TGM2: variants seen among roughly 807,000 people sequenced by gnomAD.
TGM2 encodes the protein transglutaminase 2.
Under a neutral mutation model 75.6 loss-of-function variants are expected in TGM2, and 53 were observed. The ratio of observed to expected loss-of-function variants is 0.70; its 90% CI spans 0.56 to 0.88. The LOEUF is 0.88. Ranked by LOEUF, TGM2 falls within the 40% of genes least tolerant of loss-of-function variation. The pLI, the probability that TGM2 is intolerant of heterozygous loss-of-function variation, is 0.00. For synonymous variants in TGM2, 374 were observed against 381.1 expected, an observed-to-expected ratio of 0.98 and a Z score of 0.22; for missense variants, 842 against 928.5, an observed-to-expected ratio of 0.91 and a Z score of 1.21.
At chr20:38,155,257 T>C (rs1278193274) in intron 3 of TGM2, among the ~76,000 whole-genome samples, 5 of 152,200 alleles carry the variant, frequency 3.3e-5, no homozygotes, top group Admixed American at 2.6e-4. Flanking sequence ...CCCCAGTTCA[T>C]AGTGGTCTGG....
In TGM2 at chr20:38,138,190, G is replaced by A. The variant is rs977046574; in HGVS notation, c.1538C>T (p.Thr513Ile). Reference sequence around the variant, plus strand: ...CCCCAAGATCCCATTGTAGCTGACGGTGCGGGCACAGAGCAGGAGGCGGCA... The same window carrying A: ...CCCCAAGATCCCATTGTAGCTGACGATGCGGGCACAGAGCAGGAGGCGGCA... Reference protein sequence around the residue: ...YVCRLLLCARTVSYNGILGPE... With the variant: ...YVCRLLLCARIVSYNGILGPE... The change falls in exon 10 of 13, where the codon ACC (threonine) becomes ATC (isoleucine). Residue 513 changes from threonine to isoleucine, a missense_variant. By Grantham distance (89) the Thr-to-Ile change is moderately conservative. Coordinates refer to ENST00000361475, the MANE Select transcript of TGM2 (RefSeq NM_004613.4). The A allele has an allele frequency of 6.2e-7, 1 of 1,608,820 alleles. No homozygotes were observed. The highest frequency in any genetic ancestry group is 1.3e-5 in the African/African-American group (1 of 74,844).
Position 38,139,448 on chromosome 20 carries a change from G to T in TGM2, c.1306C>A (p.Arg436=). The T allele has an allele frequency of 1.2e-6, 2 of 1,614,118 alleles. No homozygotes were observed. Among genetic ancestry groups the T allele is most frequent in the Non-Finnish European group, 1.7e-6 (2 of 1,180,014 alleles). ...TTGTAGGTGTGGGTGATATCCTCCC[G>T]CTCGTCTCGGCCCACGCTCTTAGTG... is the stretch of plus-strand genomic sequence containing the variant. The part of the protein sequence containing the change: ...ISTKSVGRDE[R]EDITHTYKYP... Residue 436 remains arginine (R), a synonymous_variant, in exon 9 of 13, where the codon CGG becomes AGG. Coordinates refer to ENST00000361475, the MANE Select transcript of TGM2 (RefSeq NM_004613.4).
At chr20:38,134,256 C>T (rs1289408915) in intron 10 of TGM2, among the ~76,000 whole-genome samples, 4 of 152,188 alleles carry the variant, frequency 2.6e-5, no homozygotes, top group Non-Finnish European at 5.9e-5. Context: ...ACCTCTTTGG[C>T]CTTTCATTCC....
At position 38,142,337 on chromosome 20, in the gene TGM2, C is replaced by T. The variant is rs897277465; in HGVS notation, c.860-138G>A. On this transcript the variant is annotated intron_variant, in intron 6 of 12. Coordinates refer to ENST00000361475, the MANE Select transcript of TGM2 (RefSeq NM_004613.4). ...GAGAACATGAGCCAGCCCTTCCTGC[C>T]GGGACAATGGCGCCCACCTCTCTGG... 5.2e-5 allele frequency: 72 copies of T among 1,387,164 alleles called. 1 individual carries two copies. The highest frequency in any genetic ancestry group is 1.2e-4 in the Admixed American group (6 of 48,800). The allele number at this position is 1,387,164 out of a possible 1,614,324, so 85.9% of individuals were successfully genotyped here. A position where few individuals can be genotyped will look rare whatever the true frequency, so the allele number is the denominator to read the frequency against.
At chr20:38,144,559 G>T (rs564040509) in intron 6 of TGM2, among the ~76,000 whole-genome samples, 3 of 152,178 alleles carry the variant, frequency 2.0e-5, no homozygotes, top group Non-Finnish European at 4.4e-5. Context: ...AAGCCTAACC[G>T]GAGCCAGAGA....
rs933912983 is a variant in TGM2 at position 38,137,919 on chromosome 20, G to C, written c.1615+194C>G. 5 of 1,316,068 alleles carry C rather than the reference G, an allele frequency of 3.8e-6. No individual in the cohort carries two copies. The African/African-American group carries it at 7.5e-5, about 20-fold the overall frequency. 81.5% of individuals were successfully genotyped at this position (1,316,068 alleles called of 1,614,324 possible). A position where few individuals can be genotyped will look rare whatever the true frequency, so the allele number is the denominator to read the frequency against. On this transcript the variant is annotated intron_variant, in intron 10 of 12. Transcript: ENST00000361475. ...TCATCTGGAAAACGGAGCCATGTTA[G>C]AATCCACCCCCTCACTCTTGCAATA...
chr20:38,144,208 G>T (rs1356139715), intron 6 of TGM2, among the ~76,000 whole-genome samples: 1 of 152,220 alleles, frequency 6.6e-6, no homozygotes, highest in African/African-American at 2.4e-5. Flanking sequence ...GTGCACACCT[G>T]GATCAGAGAC....
chr20:38,130,171 G>A lies in TGM2; in HGVS notation c.*48C>T. The A allele has an allele frequency of 6.2e-7, 1 of 1,610,420 alleles. No individual in the cohort carries two copies. Among genetic ancestry groups the A allele is most frequent in the Non-Finnish European group, 8.5e-7 (1 of 1,178,942 alleles). The stretch of plus-strand genomic sequence containing the variant: ...ATTTTGCTCACTAGCTTGGGATAAG[G>A]ATTGGGATCAAGGTGGGGGCTCTCA... On this transcript the variant is annotated 3_prime_UTR_variant, in exon 13 of 13. Coordinates refer to ENST00000361475, the MANE Select transcript of TGM2 (RefSeq NM_004613.4).
At position 38,130,094 on chromosome 20, in the gene TGM2, C is replaced by T. The variant is rs1387046936; in HGVS notation, c.*125G>A. ...CAGGGGCACATTCCATTTCCGAGAG[C>T]CCCCATAGGCTGCCCACCCTGCCCT... On this transcript the variant is annotated 3_prime_UTR_variant, in exon 13 of 13. Coordinates refer to ENST00000361475, the MANE Select transcript of TGM2 (RefSeq NM_004613.4). 2 of 1,313,180 alleles carry T rather than the reference C, an allele frequency of 1.5e-6. No homozygotes were observed. The highest frequency in any genetic ancestry group is 1.4e-5 in the South Asian group (1 of 73,814). 81.3% of individuals were successfully genotyped at this position (1,313,180 alleles called of 1,614,324 possible).
rs771002016 is a variant in TGM2, at chr20:38,165,245, A to G, written c.-47T>C. 3.1e-6 allele frequency: 5 copies of G among 1,611,362 alleles called. No homozygotes were observed. In the South Asian group the frequency reaches 4.4e-5, roughly 14 times the overall value. On this transcript the variant is annotated 5_prime_UTR_variant, in exon 1 of 13. Transcript: ENST00000361475. ...CCTTCCACTGGCGGCGAGACCCTCCAAGTGCGACCACTGGCGGCTGGCACT... is the reference window on the plus strand; with the variant it reads ...CCTTCCACTGGCGGCGAGACCCTCCGAGTGCGACCACTGGCGGCTGGCACT...
At chr20:38,153,528 A>AAAAAAAAAAAAAAAAAAAAT (rs56670550) in intron 3 of TGM2, among the ~76,000 whole-genome samples, 1 of 125,254 alleles carries the variant, frequency 8.0e-6, no homozygotes, top group Non-Finnish European at 1.6e-5. Flanking sequence ...TGGTCTCAAA[A>AAAAAAAAAAAAAAAAAAAAT]AAAAGAAAAA....
At chr20:38,165,751 A>G (rs1474539744), upstream of TGM2, among the ~76,000 whole-genome samples, 1 of 151,992 alleles carries the variant, frequency 6.6e-6, no homozygotes, top group Non-Finnish European at 1.5e-5. Context: ...GAGCAGACGC[A>G]GACACACCAA....
At chr20:38,163,396 A>G (rs1206621990) in intron 1 of TGM2, among the ~76,000 whole-genome samples, 1 of 152,222 alleles carries the variant, frequency 6.6e-6, no homozygotes, top group African/African-American at 2.4e-5. Context: ...CAAAAATGAG[A>G]TGCAAAGTGC....
chr20:38,168,054 C>T (rs1362442442), upstream of TGM2, among the ~76,000 whole-genome samples: 1 of 152,190 alleles, frequency 6.6e-6, no homozygotes, highest in African/African-American at 2.4e-5. Context: ...AGAAGAATCC[C>T]ATTAGATTAT....
chr20:38,148,232 T>A, intron 4 of TGM2, 143 bp from the exon 5 acceptor site: 1 of 1,068,472 alleles, frequency 9.4e-7, no homozygotes. Flanking sequence ...ACCAAATCTC[T>A]CTGGTGGCAG....
chr20:38,154,292 A>G (rs1179187398), intron 3 of TGM2, among the ~76,000 whole-genome samples: 1 of 152,250 alleles, frequency 6.6e-6, no homozygotes, highest in Non-Finnish European at 1.5e-5. Flanking sequence ...GCCAGCAAGA[A>G]GGTGGTTGTC....
intron 6 of TGM2, 43 bp from the exon 7 acceptor site, chr20:38,142,242 TC>T: frequency 6.2e-7 from 1 of 1,610,724 alleles, no homozygotes; most frequent in Non-Finnish European, 8.5e-7. Context: ...CCTGGAGACA[TC>T]CGCCCTGCTC....
rs10699981 is a variant in TGM2 at position 38,130,972 on chromosome 20, C to CTG, written c.1913+119_1913+120dup. 19,276 of 1,496,118 alleles carry CTG rather than the reference C, an allele frequency of 0.013. 1,414 individuals carry two copies. In the African/African-American group the frequency reaches 0.19, roughly 15 times the overall value. The allele number at this position is 1,496,118 out of a possible 1,614,324, so 92.7% of individuals were successfully genotyped here. A position where few individuals can be genotyped will look rare whatever the true frequency, so the allele number is the denominator to read the frequency against. The stretch of plus-strand genomic sequence containing the variant: ...CCAGGGTGTCTGGGAGTGGGCACAG[C>CTG]TGTGTGGGAGATGAGAGGAGGGGAT... On this transcript the variant is annotated intron_variant, in intron 12 of 12. Transcript: ENST00000361475.
At chr20:38,142,741 A>C (rs1423480739) in intron 6 of TGM2, among the ~76,000 whole-genome samples, 3 of 152,020 alleles carry the variant, frequency 2.0e-5, no homozygotes, top group Non-Finnish European at 4.4e-5. Flanking sequence ...TGATGTCACC[A>C]CTCCTGTGAT....
Sources: allele counts gnomAD v4.1 joint callset (sites outside exome capture counted in the v4.1 genomes callset), GRCh38; gene constraint gnomAD v4.1.1; transcripts MANE v1.5; gene names NCBI Gene and HGNC (gene_info 2026-07-23, HGNC 2026-07-21).